D2HGDH: variants seen among roughly 807,000 people sequenced by gnomAD.
The protein encoded by D2HGDH is D-2-hydroxyglutarate dehydrogenase, also known as D-2-hydroxyglutarate dehydrogenase, mitochondrial.
In D2HGDH, 31 loss-of-function variants were observed where a neutral mutation model predicts 46.9. The observed-to-expected ratio is 0.66, with a 90% CI of 0.50 to 0.89. The LOEUF (loss-of-function observed/expected upper bound fraction) is 0.89, where lower values mean the gene tolerates loss of function less well. D2HGDH is among the 40% of genes least tolerant of loss of function. The pLI is 0.00. For missense variants in D2HGDH, 698 were observed against 720.8 expected, an observed-to-expected ratio of 0.97 and a Z score of 0.36; for synonymous variants, 364 against 332.6, an observed-to-expected ratio of 1.09 and a Z score of -1.03.
intron 6 of D2HGDH, among the ~76,000 whole-genome samples, chr2:241,746,027 G>A (rs1479822930): frequency 6.6e-6 from 1 of 152,180 alleles, no homozygotes; most frequent in Non-Finnish European, 1.5e-5. Context: ...TGTGGTGTGT[G>A]TGTGTACGTT....
chr2:241,764,957 G>A (rs943151478), intron 9 of D2HGDH, among the ~76,000 whole-genome samples: 7 of 151,438 alleles, frequency 4.6e-5, no homozygotes, highest in Non-Finnish European at 8.8e-5. Flanking sequence ...TGCGTGGGGC[G>A]GGCCAGGGCC....
At chr2:241,748,731 C>A in intron 6 of D2HGDH, 1 of 947,402 alleles carries the variant, frequency 1.1e-6, no homozygotes, top group Non-Finnish European at 1.3e-6. Context: ...CTCCTCACCA[C>A]CTGACCCCGG....
intron 5 of D2HGDH, among the ~76,000 whole-genome samples, chr2:241,744,380 G>A (rs572753630): frequency 2.3e-4 from 35 of 152,280 alleles, no homozygotes; most frequent in Middle Eastern, 6.8e-3. Context: ...GTAGGCCTCC[G>A]ACTCACAGTA....
intron 2 of D2HGDH, 103 bp from the exon 3 acceptor site, chr2:241,740,930 A>T: frequency 1.1e-6 from 1 of 877,698 alleles, no homozygotes; most frequent in Non-Finnish European, 1.9e-6. Context: ...ACAGAGTGAG[A>T]GTCCGTCTCC....
chr2:241,748,581 G>A (rs546813511), intron 6 of D2HGDH, among the ~76,000 whole-genome samples: 1 of 152,282 alleles, frequency 6.6e-6, no homozygotes, highest in African/African-American at 2.4e-5. Context: ...TCCCACCATG[G>A]CTGCCACTGT....
At position 241,768,169 on chromosome 2, in the gene D2HGDH, G is replaced by C; in HGVS notation, c.*200G>C. 1 of 827,862 alleles carries C rather than the reference G, an allele frequency of 1.2e-6. No homozygotes were observed. The highest frequency in any genetic ancestry group is 1.8e-6 in the Non-Finnish European group (1 of 547,056). The allele number at this position is 827,862 out of a possible 1,614,324, so 51.3% of individuals were successfully genotyped here. A position where few individuals can be genotyped will look rare whatever the true frequency, so the allele number is the denominator to read the frequency against. ...ATCTGGCAGAGTGGGGGGCGTGGCA[G>C]GCACCCTCCTTTGCAGGGCGAGGTG... On this transcript the variant is annotated 3_prime_UTR_variant, in exon 10 of 10. Coordinates refer to ENST00000321264, the MANE Select transcript of D2HGDH (RefSeq NM_152783.5).
intron 9 of D2HGDH, among the ~76,000 whole-genome samples, chr2:241,758,864 C>T (rs144527401): frequency 0.017 from 2,560 of 150,590 alleles, 58 homozygotes; most frequent in African/African-American, 0.057. Context: ...TCTTGAACTC[C>T]GGGGCCTCAA....
At chr2:241,757,833 C>T (rs770670889) in intron 9 of D2HGDH, among the ~76,000 whole-genome samples, 1 of 152,074 alleles carries the variant, frequency 6.6e-6, no homozygotes, top group Admixed American at 6.6e-5. Context: ...GTGGCAGGCA[C>T]CTGTAATCCC....
chr2:241,751,216 G>A (rs1408704964), intron 7 of D2HGDH, 30 bp from the exon 8 acceptor site: 3 of 1,613,582 alleles, frequency 1.9e-6, no homozygotes, highest in East Asian at 4.5e-5. Context: ...CGGAGCCTCT[G>A]CTCACTCTGC....
At chr2:241,761,051 C>A (rs879344787) in intron 9 of D2HGDH, among the ~76,000 whole-genome samples, 1 of 152,218 alleles carries the variant, frequency 6.6e-6, no homozygotes, top group Non-Finnish European at 1.5e-5. Context: ...GACTTCAGGG[C>A]CCCGTCACTT....
At chr2:241,761,219 C>T (rs919153936) in intron 9 of D2HGDH, among the ~76,000 whole-genome samples, 1 of 152,144 alleles carries the variant, frequency 6.6e-6, no homozygotes, top group Non-Finnish European at 1.5e-5. Flanking sequence ...TACCAGGAAT[C>T]GTAAGTAATC....
At chr2:241,746,047 CT>C (rs1695787873) in intron 6 of D2HGDH, among the ~76,000 whole-genome samples, 1 of 152,140 alleles carries the variant, frequency 6.6e-6, no homozygotes, top group Non-Finnish European at 1.5e-5. Flanking sequence ...TCTTTTTCAT[CT>C]CCTTGGAATT....
chr2:241,744,999 G>C, intron 6 of D2HGDH, 122 bp downstream of exon 6: 2 of 1,321,806 alleles, frequency 1.5e-6, no homozygotes, highest in South Asian at 2.5e-5. Context: ...GTCGGTTCCC[G>C]TGTCTCCTGA....
At chr2:241,738,860 T>C (rs2125036965) in intron 2 of D2HGDH, among the ~76,000 whole-genome samples, 1 of 152,350 alleles carries the variant, frequency 6.6e-6, no homozygotes, top group East Asian at 1.9e-4. Context: ...CAGTAGGTGT[T>C]TGCTGATGTG....
chr2:241,749,532 C>G, intron 6 of D2HGDH: 4 of 430,540 alleles, frequency 9.3e-6, no homozygotes, highest in East Asian at 7.9e-5. Flanking sequence ...TAGCCCCCAC[C>G]AACCCTGGAG....
At position 241,755,785 on chromosome 2, in the gene D2HGDH, T is replaced by A. The variant is rs753774071; in HGVS notation, c.1141-64T>A. 1.2e-5 allele frequency: 19 copies of A among 1,611,808 alleles called. No homozygotes were observed. The African/African-American group carries it at 2.1e-4, about 18-fold the overall frequency. On this transcript the variant is annotated intron_variant, in intron 8 of 9. Transcript: ENST00000321264. ...GCTGCTGCCCTAACCCCGTGTGGTG[T>A]GCCCCCTGTCCCCGGGTGTCGTTCC... is the stretch of plus-strand genomic sequence containing the variant.
chr2:241,741,659 A>C (rs1398883440), intron 3 of D2HGDH, among the ~76,000 whole-genome samples: 1 of 118,672 alleles, frequency 8.4e-6, no homozygotes, highest in African/African-American at 4.1e-5. Flanking sequence ...GGTTTATTTC[A>C]TGTGTGGGGC....
Position 241,752,791 on chromosome 2 carries a change from G to A in D2HGDH, c.1140+1403G>A, listed in dbSNP as rs1242170035. Among the ~76,000 whole-genome samples, 8 of 140,110 alleles carry A rather than the reference G, an allele frequency of 5.7e-5. No homozygotes were observed. The East Asian group carries it at 1.3e-3, about 22-fold the overall frequency. The allele number at this position is 140,110 out of a possible 152,430, so 91.9% of individuals were successfully genotyped here. ...ACACCACCCCCAGGAGGGCGACCCT[G>A]GCACCCCAGCCTCCACACATCAGCC... On this transcript the variant is annotated intron_variant, in intron 8 of 9. Transcript: ENST00000321264.
rs148497508 is a variant in D2HGDH, at chr2:241,745,675, T to C, written c.853+798T>C. On this transcript the variant is annotated intron_variant, in intron 6 of 9. Transcript: ENST00000321264. ...TATGGCCACTTTCTCTGCCCTCCAC[T>C]CTCTTGTGTCCGATCTTCTGTCTGG... is the stretch of plus-strand genomic sequence containing the variant. Among the ~76,000 whole-genome samples the C allele has an allele frequency of 7.9e-3, 1,207 of 152,272 alleles. 14 individuals carry two copies. The highest frequency in any genetic ancestry group is 0.027 in the African/African-American group (1,136 of 41,562).
Sources: allele counts gnomAD v4.1 joint callset (sites outside exome capture counted in the v4.1 genomes callset), GRCh38; gene constraint gnomAD v4.1.1; transcripts MANE v1.5; gene names NCBI Gene and HGNC (gene_info 2026-07-23, HGNC 2026-07-21).